The following HSP90AA1 variants were observed in gnomAD, a reference collection of about 807,000 sequenced individuals.
HSP90AA1 encodes heat shock protein 90 alpha family class A member 1.
A neutral mutation model predicts 73.3 loss-of-function variants in HSP90AA1; 18 were observed. The observed-to-expected ratio is 0.25, with a 90% CI of 0.17 to 0.36. The LOEUF is 0.36. Ranked by LOEUF, HSP90AA1 falls within the 10% of genes least tolerant of loss-of-function variation. The pLI is 1.00. For missense variants in HSP90AA1, 704 were observed against 874.2 expected (o/e 0.81, Z 2.45); for synonymous variants, 477 against 296.9 (o/e 1.61, Z -6.24).
At chr14:102,098,622 C>A (rs1304794231) in intron 2 of HSP90AA1, among the ~76,000 whole-genome samples, 1 of 151,974 alleles carries the variant, frequency 6.6e-6, no homozygotes, top group Non-Finnish European at 1.5e-5. Context: ...TGCCACCACA[C>A]CCCGCTAATT....
At chr14:102,134,901 T>G (rs543513695) in intron 1 of HSP90AA1, among the ~76,000 whole-genome samples, 1 of 152,324 alleles carries the variant, frequency 6.6e-6, no homozygotes, top group East Asian at 1.9e-4. Flanking sequence ...TCCTGCTGAT[T>G]GGTAGAGCCG....
intron 1 of HSP90AA1, among the ~76,000 whole-genome samples, chr14:102,122,508 C>T (rs1021844362): frequency 6.6e-6 from 1 of 151,976 alleles, no homozygotes; most frequent in South Asian, 2.1e-4. Flanking sequence ...GTCTTGATCT[C>T]CTGATCTTGT....
At chr14:102,083,493 G>A (rs1305573900) in intron 8 of HSP90AA1, 53 bp downstream of exon 8, 5 of 1,549,030 alleles carry the variant, frequency 3.2e-6, no homozygotes, top group East Asian at 4.5e-5. Flanking sequence ...CACCCACAGA[G>A]CCTACAAGAT....
chr14:102,118,150 A>T (rs949021026), intron 1 of HSP90AA1, among the ~76,000 whole-genome samples: 2 of 152,174 alleles, frequency 1.3e-5, no homozygotes, highest in African/African-American at 4.8e-5. Context: ...TGAGCCAAGC[A>T]CAGCCTGCCA....
intron 1 of HSP90AA1, among the ~76,000 whole-genome samples, chr14:102,133,053 G>T (rs2049928269): frequency 6.6e-6 from 1 of 152,188 alleles, no homozygotes; most frequent in African/African-American, 2.4e-5. Flanking sequence ...GCCAAGGCAG[G>T]TAGATCACCT....
At chr14:102,116,699 G>T (rs1040243401) in intron 1 of HSP90AA1, among the ~76,000 whole-genome samples, 3 of 152,200 alleles carry the variant, frequency 2.0e-5, no homozygotes, top group Non-Finnish European at 2.9e-5. Flanking sequence ...CACAGAGCCA[G>T]CAGGAGCCAG....
chr14:102,131,842 G>T (rs927685912), intron 1 of HSP90AA1, among the ~76,000 whole-genome samples: 3 of 152,096 alleles, frequency 2.0e-5, no homozygotes, highest in African/African-American at 7.2e-5. Flanking sequence ...CTTATCCTTT[G>T]TTTTCTCCCT....
At chr14:102,134,505 T>C (rs1177134368) in intron 1 of HSP90AA1, among the ~76,000 whole-genome samples, 1 of 152,072 alleles carries the variant, frequency 6.6e-6, no homozygotes, top group Non-Finnish European at 1.5e-5. Context: ...TTACAACTCT[T>C]AAGGTGGCGC....
upstream of HSP90AA1, among the ~76,000 whole-genome samples, chr14:102,089,090 T>G (rs1384633910): frequency 6.6e-6 from 1 of 151,928 alleles, no homozygotes; most frequent in Non-Finnish European, 1.5e-5. Flanking sequence ...CCGGCTAATT[T>G]TTGTATTTTT....
chr14:102,086,861 G>A (rs1296530254), intron 1 of HSP90AA1, 125 bp downstream of exon 1: 2 of 468,342 alleles, frequency 4.3e-6, no homozygotes, highest in Non-Finnish European at 5.6e-6. Flanking sequence ...AAGCGCGGCC[G>A]CCCGGGAGCG....
chr14:102,116,283 G>C (rs1482347797), intron 1 of HSP90AA1, among the ~76,000 whole-genome samples: 7 of 152,174 alleles, frequency 4.6e-5, no homozygotes, highest in African/African-American at 1.7e-4. Context: ...GGTGGAGAGA[G>C]TTGTGTTTCT....
In HSP90AA1 at chr14:102,082,298, C is replaced by T. The variant is rs768782778; in HGVS notation, c.1902G>A (p.Leu634=). The change falls in exon 10 of 11, where the codon CTG becomes CTA. Residue 634 remains leucine (L), a synonymous_variant. Transcript: ENST00000216281. ...TAATGGAATGGTCAGGGTTTATCTCCAGGTGTTTCTTTGCTGCCATGTAAC... is the reference window on the plus strand; with the variant it reads ...TAATGGAATGGTCAGGGTTTATCTCTAGGTGTTTCTTTGCTGCCATGTAAC... The part of the protein sequence containing the change: ...TMGYMAAKKH[L]EINPDHSIIE... The T allele has an allele frequency of 5.6e-6, 9 of 1,613,804 alleles. No homozygotes were observed. Among genetic ancestry groups the T allele is most frequent in the Non-Finnish European group, 7.6e-6 (9 of 1,179,848 alleles).
intron 2 of HSP90AA1, among the ~76,000 whole-genome samples, chr14:102,094,876 G>A (rs1047266906): frequency 1.3e-5 from 2 of 152,190 alleles, no homozygotes; most frequent in Admixed American, 1.3e-4. Context: ...CTTCCAATGA[G>A]ACCTGAGGAG....
chr14:102,089,185 T>G (rs1271181452), upstream of HSP90AA1, among the ~76,000 whole-genome samples: 1 of 152,188 alleles, frequency 6.6e-6, no homozygotes, highest in Non-Finnish European at 1.5e-5. Flanking sequence ...CCTCCCAAAG[T>G]GCTGGGATTA....
At chr14:102,081,850 C>G (rs754377623) in intron 10 of HSP90AA1, 29 bp from the exon 11 acceptor site, 1 of 1,079,964 alleles carries the variant, frequency 9.3e-7, no homozygotes. Flanking sequence ...CCTCATATTA[C>G]AAAGATTTCT....
chr14:102,123,798 C>T (rs988643044), intron 1 of HSP90AA1, among the ~76,000 whole-genome samples: 31 of 152,202 alleles, frequency 2.0e-4, no homozygotes, highest in African/African-American at 5.8e-4. Flanking sequence ...TGTATACTAG[C>T]AACCGTGTTT....
rs529399941 is a variant in HSP90AA1 at position 102,110,082 on chromosome 14, T to C, written c.156-7997A>G. ...CTGAGTAGCTGGGACTACAGGTGCC[T>C]GCCACCACGCCTGGCTAATTTTTTG... On this transcript the variant is annotated intron_variant, in intron 1 of 11. Transcript: ENST00000334701. Among the ~76,000 whole-genome samples, 50 of 151,570 alleles carry C rather than the reference T, an allele frequency of 3.3e-4. No individual in the cohort carries two copies. In the South Asian group the frequency reaches 9.8e-3, roughly 30 times the overall value.
At chr14:102,113,320 GGCTTGCTT>G (rs780110612) in intron 1 of HSP90AA1, among the ~76,000 whole-genome samples, 1 of 151,422 alleles carries the variant, frequency 6.6e-6, no homozygotes, top group East Asian at 1.9e-4. Flanking sequence ...CACCGCGCCC[GGCTTGCTT>G]GCTTGCTTGC....
upstream of HSP90AA1, among the ~76,000 whole-genome samples, chr14:102,087,938 T>G (rs889857707): frequency 4.6e-4 from 61 of 133,042 alleles, no homozygotes; most frequent in Middle Eastern, 0.015. Flanking sequence ...AAGGTTTTTT[T>G]TTTTTTTTTT....
Sources: gnomAD v4.1 joint callset for allele counts (sites outside exome capture counted in the v4.1 genomes callset) on GRCh38, gnomAD v4.1.1 for gene constraint, MANE v1.5 for transcripts, NCBI Gene and HGNC (gene_info 2026-07-23, HGNC 2026-07-21) for gene names.